CNTNAP5: variants seen among roughly 807,000 people sequenced by gnomAD.
The protein encoded by CNTNAP5 is contactin-associated protein-like 5.
A neutral mutation model predicts 150.2 loss-of-function variants in CNTNAP5; 72 were observed. The observed-to-expected ratio is 0.48, with a 90% CI of 0.40 to 0.58. The LOEUF is 0.58. Among genes scored for constraint, CNTNAP5 ranks in the 20% least tolerant of loss-of-function variants. The probability of loss-of-function intolerance (pLI) is 0.00; values close to 1 mark genes in which losing one functional copy is unlikely to be tolerated. For synonymous variants in CNTNAP5, 672 were observed against 619.8 expected, an observed-to-expected ratio of 1.08 and a Z score of -1.25; for missense variants, 1,636 against 1,626.2, an observed-to-expected ratio of 1.01 and a Z score of -0.10.
chr2:124,445,737 T>G (rs1337783041), intron 5 of CNTNAP5, among the ~76,000 whole-genome samples: 1 of 152,096 alleles, frequency 6.6e-6, no homozygotes, highest in Non-Finnish European at 1.5e-5. Flanking sequence ...AGAAAACACT[T>G]CCCAAGAGGG....
chr2:124,128,301 A>C (rs542161053), intron 1 of CNTNAP5, among the ~76,000 whole-genome samples: 220 of 152,336 alleles, frequency 1.4e-3, no homozygotes, highest in African/African-American at 5.1e-3. Context: ...GCCAACAGAC[A>C]CACGAAAAAA....
At chr2:124,138,212 C>T (rs1684024414) in intron 1 of CNTNAP5, among the ~76,000 whole-genome samples, 1 of 152,176 alleles carries the variant, frequency 6.6e-6, no homozygotes, top group African/African-American at 2.4e-5. Context: ...TGATGAGACA[C>T]TAAGTGTACA....
intron 6 of CNTNAP5, among the ~76,000 whole-genome samples, chr2:124,456,867 G>A (rs1486662704): frequency 6.6e-6 from 1 of 152,170 alleles, no homozygotes; most frequent in East Asian, 1.9e-4. Context: ...GCTGCCTGTA[G>A]GAGAATGAAA....
At chr2:124,025,892 A>G (rs1372497717) in intron 1 of CNTNAP5, among the ~76,000 whole-genome samples, 160 bp downstream of exon 1, 1 of 152,190 alleles carries the variant, frequency 6.6e-6, no homozygotes, top group Non-Finnish European at 1.5e-5. Flanking sequence ...CCATCCCAAA[A>G]GTTAGTAGAG....
chr2:124,312,877 G>A (rs953114256), intron 3 of CNTNAP5, among the ~76,000 whole-genome samples: 4 of 152,098 alleles, frequency 2.6e-5, no homozygotes, highest in East Asian at 3.9e-4. Context: ...GCCAATTTTT[G>A]TATTCTTAGT....
chr2:124,461,343 A>G (rs1273507293), intron 6 of CNTNAP5, among the ~76,000 whole-genome samples: 2 of 152,084 alleles, frequency 1.3e-5, no homozygotes, highest in Non-Finnish European at 2.9e-5. Flanking sequence ...AATACTATGT[A>G]GCCATAAAAA....
At chr2:124,369,199 G>A (rs1201387027) in intron 3 of CNTNAP5, among the ~76,000 whole-genome samples, 1 of 152,116 alleles carries the variant, frequency 6.6e-6, no homozygotes, top group African/African-American at 2.4e-5. Context: ...ATTGTTTCAG[G>A]AGAGCCAGGG....
chr2:124,698,407 C>CAT (rs55958089), intron 13 of CNTNAP5, among the ~76,000 whole-genome samples: 5 of 145,750 alleles, frequency 3.4e-5, no homozygotes, highest in African/African-American at 1.3e-4. Flanking sequence ...CACACACACA[C>CAT]GTTTGCTTAT....
intron 6 of CNTNAP5, among the ~76,000 whole-genome samples, chr2:124,464,866 G>GT (rs1398070788): frequency 6.6e-6 from 1 of 152,112 alleles, no homozygotes; most frequent in Non-Finnish European, 1.5e-5. Context: ...CCCAGCCAGT[G>GT]TAAGTCTTAA....
chr2:124,523,502 C>G (rs1208746021), intron 8 of CNTNAP5, among the ~76,000 whole-genome samples: 1 of 152,090 alleles, frequency 6.6e-6, no homozygotes, highest in Non-Finnish European at 1.5e-5. Context: ...ATGACTAGTT[C>G]CCAAAACAGT....
chr2:124,799,155 G>C lies in CNTNAP5; in HGVS notation c.3217+835G>C, dbSNP rs1681912713. ...TTTGCATGGTATCTAATAGGTTCTA[G>C]TGCCTAAATTGCCCATTATTAATTT... On this transcript the variant is annotated intron_variant, in intron 19 of 23. Coordinates refer to ENST00000682447, the MANE Select transcript of CNTNAP5 (RefSeq NM_001367498.1). 2.0e-5 allele frequency among the ~76,000 whole-genome samples: 3 copies of C among 152,228 alleles called. No individual in the cohort carries two copies. In the South Asian group the frequency reaches 6.2e-4, roughly 32 times the overall value.
intron 11 of CNTNAP5, among the ~76,000 whole-genome samples, chr2:124,564,096 T>A (rs960863704): frequency 1.3e-5 from 2 of 152,068 alleles, no homozygotes; most frequent in Non-Finnish European, 2.9e-5. Context: ...TGTAGAAATA[T>A]GGGAGGAAAC....
chr2:124,363,758 A>G (rs886830279), intron 3 of CNTNAP5, among the ~76,000 whole-genome samples: 4 of 152,236 alleles, frequency 2.6e-5, no homozygotes, highest in African/African-American at 7.2e-5. Context: ...GTAGGTGGAT[A>G]TGTCTATTAC....
chr2:124,841,943 G>A (rs1176329230), intron 19 of CNTNAP5, among the ~76,000 whole-genome samples: 1 of 151,106 alleles, frequency 6.6e-6, no homozygotes, highest in Non-Finnish European at 1.5e-5. Context: ...GTCAGTATCT[G>A]TAGTTACCAA....
At chr2:124,176,720 T>C (rs1017705569) in intron 1 of CNTNAP5, among the ~76,000 whole-genome samples, 2 of 152,064 alleles carry the variant, frequency 1.3e-5, no homozygotes, top group Admixed American at 6.5e-5. Context: ...TCTGTCTAGC[T>C]TCTTCTCTGA....
chr2:124,743,711 G>A (rs557394010), intron 13 of CNTNAP5, among the ~76,000 whole-genome samples: 3 of 152,274 alleles, frequency 2.0e-5, no homozygotes, highest in South Asian at 4.2e-4. Context: ...GCTTGGAACA[G>A]GCAGAGTGAA....
intron 19 of CNTNAP5, among the ~76,000 whole-genome samples, chr2:124,823,966 T>G (rs1682541489): frequency 6.6e-6 from 1 of 151,254 alleles, no homozygotes; most frequent in Non-Finnish European, 1.5e-5. Context: ...TTTCCCAGGC[T>G]GAAGTGCAAT....
chr2:124,470,577 T>A (rs563495902), intron 6 of CNTNAP5, among the ~76,000 whole-genome samples: 2 of 152,300 alleles, frequency 1.3e-5, no homozygotes, highest in East Asian at 3.9e-4. Flanking sequence ...TTTAATTAGG[T>A]CCCATTTGCC....
intron 3 of CNTNAP5, among the ~76,000 whole-genome samples, chr2:124,314,061 G>A (rs1388738449): frequency 6.6e-6 from 1 of 152,140 alleles, no homozygotes. Context: ...CAGAAATACC[G>A]TGCGTGGATG....
Sources: gnomAD v4.1 joint callset for allele counts (sites outside exome capture counted in the v4.1 genomes callset) on GRCh38, gnomAD v4.1.1 for gene constraint, MANE v1.5 for transcripts, NCBI Gene and HGNC (gene_info 2026-07-23, HGNC 2026-07-21) for gene names.